PLXNA2: variants seen among roughly 807,000 people sequenced by gnomAD.
The protein encoded by PLXNA2 is plexin A2.
PLXNA2 carries 91 observed loss-of-function variants against 193.5 expected under a neutral mutation model. The ratio of observed to expected loss-of-function variants is 0.47; its 90% CI spans 0.40 to 0.56. The LOEUF is 0.56. Among genes scored for constraint, PLXNA2 ranks in the 20% least tolerant of loss-of-function variants. The pLI is 0.00. For missense variants in PLXNA2, 1,995 were observed against 2,503.2 expected, an observed-to-expected ratio of 0.80 and a Z score of 4.33; for synonymous variants, 997 against 1,027.3, an observed-to-expected ratio of 0.97 and a Z score of 0.56.
At chr1:208,223,058 A>C (rs1056380798) in intron 1 of PLXNA2, among the ~76,000 whole-genome samples, 2 of 152,158 alleles carry the variant, frequency 1.3e-5, no homozygotes, top group Non-Finnish European at 2.9e-5. Flanking sequence ...TGAGCATGAA[A>C]ATGAGGGCTG....
intron 1 of PLXNA2, among the ~76,000 whole-genome samples, chr1:208,219,948 T>C (rs543852042): frequency 6.6e-6 from 1 of 152,284 alleles, no homozygotes; most frequent in African/African-American, 2.4e-5. Flanking sequence ...CTGAGGCCGG[T>C]AGCAGGACGT....
intron 3 of PLXNA2, among the ~76,000 whole-genome samples, chr1:208,156,510 C>T (rs1668945947): frequency 6.6e-6 from 1 of 152,088 alleles, no homozygotes; most frequent in African/African-American, 2.4e-5. Flanking sequence ...AACTGAGGCT[C>T]AGAGAGGTTA....
chr1:208,123,168 T>C (rs890978666), intron 4 of PLXNA2, among the ~76,000 whole-genome samples: 7 of 152,232 alleles, frequency 4.6e-5, no homozygotes, highest in Non-Finnish European at 7.3e-5. Flanking sequence ...GATGGAATCA[T>C]ACAGTACGTG....
chr1:208,085,774 A>C (rs923780158), intron 9 of PLXNA2, among the ~76,000 whole-genome samples: 1 of 152,120 alleles, frequency 6.6e-6, no homozygotes. Context: ...GTTCTTGCAC[A>C]TAATAGTCCA....
rs1032609029 is a variant in PLXNA2, at chr1:208,207,960, A to G, written c.1371+2320T>C. 3.2e-4 allele frequency among the ~76,000 whole-genome samples: 49 copies of G among 152,246 alleles called. 1 individual carries two copies. The highest frequency in any genetic ancestry group is 3.1e-3 in the Admixed American group (48 of 15,290). On this transcript the variant is annotated intron_variant, in intron 3 of 31. Coordinates refer to ENST00000367033, the MANE Select transcript of PLXNA2 (RefSeq NM_025179.4). ...ACAAGCTGTGGGTAACCACGCCCCC[A>G]GCTTTGCCCTTGAACCTGCTGACTG...
At chr1:208,125,047 A>G (rs1394012152) in intron 4 of PLXNA2, among the ~76,000 whole-genome samples, 2 of 152,246 alleles carry the variant, frequency 1.3e-5, no homozygotes, top group Non-Finnish European at 2.9e-5. Flanking sequence ...TGAAAGTCTC[A>G]GAACCAAATT....
intron 3 of PLXNA2, among the ~76,000 whole-genome samples, chr1:208,201,973 ATT>A (rs59313982): frequency 0.065 from 8,679 of 132,658 alleles, 254 homozygotes; most frequent in East Asian, 0.13. Flanking sequence ...CAGGGCAAGA[ATT>A]TTTTTTTTTT....
intron 7 of PLXNA2, 44 bp from the exon 8 acceptor site, chr1:208,096,169 G>C (rs758171747): frequency 1.4e-6 from 2 of 1,459,944 alleles, no homozygotes; most frequent in African/African-American, 1.4e-5. Context: ...TAACAACGTG[G>C]GGGACCCAGT....
chr1:208,106,588 C>T (rs900533794), intron 4 of PLXNA2, among the ~76,000 whole-genome samples: 4 of 152,078 alleles, frequency 2.6e-5, no homozygotes, highest in African/African-American at 9.7e-5. Flanking sequence ...TTAAGATGTA[C>T]TGTAAGTCTA....
At chr1:208,140,567 T>A (rs964926866) in intron 4 of PLXNA2, among the ~76,000 whole-genome samples, 11 of 152,220 alleles carry the variant, frequency 7.2e-5, no homozygotes, top group Admixed American at 7.2e-4. Context: ...CAATATAGGT[T>A]GTCATCTATC....
chr1:208,051,139 C>A, intron 16 of PLXNA2, 37 bp from the exon 17 acceptor site: 1 of 1,601,096 alleles, frequency 6.2e-7, no homozygotes, highest in Middle Eastern at 1.7e-4. Context: ...GTAAAAAACC[C>A]CCTCAAATCT....
At chr1:208,170,250 C>A (rs979293279) in intron 3 of PLXNA2, among the ~76,000 whole-genome samples, 1 of 152,144 alleles carries the variant, frequency 6.6e-6, no homozygotes, top group Non-Finnish European at 1.5e-5. Context: ...CTCTATTTTA[C>A]CTTAAAGAGA....
At chr1:208,152,895 C>T (rs530742281) in intron 3 of PLXNA2, among the ~76,000 whole-genome samples, 1 of 151,708 alleles carries the variant, frequency 6.6e-6, no homozygotes, top group East Asian at 2.0e-4. Flanking sequence ...TCCTTCAAGG[C>T]CTTATCCAAA....
rs1430646399 is a variant in PLXNA2, at chr1:208,023,180, A to G, written c.*4063T>C. 2 of 152,112 alleles carry G rather than the reference A, an allele frequency of 1.3e-5. No individual in the cohort carries two copies. The highest frequency in any genetic ancestry group is 2.1e-4 in the South Asian group (1 of 4,810). 9.4% of individuals were successfully genotyped at this position (152,112 alleles called of 1,614,324 possible). On this transcript the variant is annotated 3_prime_UTR_variant, in exon 32 of 32. Coordinates refer to ENST00000367033, the MANE Select transcript of PLXNA2 (RefSeq NM_025179.4). Reference sequence around the variant, plus strand: ...CCCTGTGTCTGTGAAGCCACTTTGCATTTTCTCACCCACTGAGCCTCCTGA... The same window carrying G: ...CCCTGTGTCTGTGAAGCCACTTTGCGTTTTCTCACCCACTGAGCCTCCTGA...
At chr1:208,152,669 A>ACACACACACACG (rs1491095329) in intron 3 of PLXNA2, among the ~76,000 whole-genome samples, 126 of 77,304 alleles carry the variant, frequency 1.6e-3, no homozygotes, top group East Asian at 4.0e-3. Context: ...GCATACACAT[A>ACACACACACACG]CACACACACA....
rs779769484 is a variant in PLXNA2, at chr1:208,038,454, C to T, written c.4681G>A (p.Ala1561Thr). 6.2e-6 allele frequency: 10 copies of T among 1,613,950 alleles called. No homozygotes were observed. In the South Asian group the frequency reaches 6.6e-5, roughly 11 times the overall value. Residue 1561 changes from alanine (A) to threonine (T), a missense_variant, in exon 26 of 32, where the codon GCC becomes ACC. This residue lies in a region of PLXNA2 where 1,291 missense variants were observed against 1,673.6 expected (regional missense o/e 0.77). Transcript: ENST00000367033. This position sits in a 1 kb window ranked among gnomAD's most constrained non-coding sequence, Gnocchi z 4.1. ...MDLEWRQGRI[A>T]RVVLQDEDIT... Reference sequence around the variant, plus strand: ...TCCTCATCTTGCAGCACGACCCGGGCGATCCGGCCTTGGCGCCACTCTGGG... The same window carrying T: ...TCCTCATCTTGCAGCACGACCCGGGTGATCCGGCCTTGGCGCCACTCTGGG...
At chr1:208,174,387 C>T (rs1669592300) in intron 3 of PLXNA2, among the ~76,000 whole-genome samples, 1 of 123,104 alleles carries the variant, frequency 8.1e-6, no homozygotes, top group Admixed American at 1.1e-4. Flanking sequence ...ACACAGAAGG[C>T]AGAGTCATAA....
intron 3 of PLXNA2, among the ~76,000 whole-genome samples, chr1:208,148,312 G>GTAC (rs10680451): frequency 2.0e-5 from 3 of 151,766 alleles, no homozygotes; most frequent in Non-Finnish European, 4.4e-5. Flanking sequence ...TGGAAGAGCA[G>GTAC]AATTGGGAAT....
chr1:208,070,560 A>G (rs1351390614), intron 12 of PLXNA2, among the ~76,000 whole-genome samples: 3 of 152,180 alleles, frequency 2.0e-5, no homozygotes, highest in Non-Finnish European at 4.4e-5. Context: ...TGACAGTTCT[A>G]ATTTGTCCAA....
Sources: allele counts gnomAD v4.1 joint callset (sites outside exome capture counted in the v4.1 genomes callset), GRCh38; gene constraint gnomAD v4.1.1; regional missense constraint gnomAD v4.1.1; non-coding constraint Gnocchi (gnomAD v3.1); transcripts MANE v1.5; gene names NCBI Gene and HGNC (gene_info 2026-07-23, HGNC 2026-07-21).